AGO2: variants seen among roughly 807,000 people sequenced by gnomAD.
AGO2 encodes argonaute RISC catalytic component 2.
A neutral mutation model predicts 102.3 loss-of-function variants in AGO2; 5 were observed. The observed-to-expected ratio is 0.05, with a 90% CI of 0.03 to 0.10. AGO2 has a LOEUF of 0.10. Ranked by LOEUF, AGO2 falls within the 10% of genes least tolerant of loss-of-function variation. The pLI, the probability that AGO2 is intolerant of heterozygous loss-of-function variation, is 1.00. For synonymous variants in AGO2, 449 were observed against 473.1 expected (o/e 0.95, Z 0.66); for missense variants, 541 against 1,183.7 (o/e 0.46, Z 7.97).
rs903584777 is a variant in AGO2, at chr8:140,589,602, G to C, written c.23-4291C>G. Among the ~76,000 whole-genome samples the C allele has an allele frequency of 9.2e-5, 14 of 152,196 alleles. No homozygotes were observed. The highest frequency in any genetic ancestry group is 2.4e-4 in the African/African-American group (10 of 41,448). Reference sequence around the variant, plus strand: ...GCCATGCTTCCCGATGGTCCTCCTAGAACTCTGCATTCATTACACTGGGCA... The same window carrying C: ...GCCATGCTTCCCGATGGTCCTCCTACAACTCTGCATTCATTACACTGGGCA... On this transcript the variant is annotated intron_variant, in intron 1 of 18. Transcript: ENST00000220592. This position sits in a 1 kb window ranked among gnomAD's most constrained non-coding sequence, Gnocchi z 4.2.
intron 10 of AGO2, among the ~76,000 whole-genome samples, chr8:140,553,397 GT>G: frequency 7.7e-6 from 1 of 129,768 alleles, no homozygotes; most frequent in Non-Finnish European, 1.5e-5. Flanking sequence ...CAAGTTACAA[GT>G]TTTTTGTTTT....
chr8:140,632,136 A>G (rs4961225), intron 1 of AGO2, among the ~76,000 whole-genome samples: 95,467 of 152,192 alleles, frequency 0.63, 31,292 homozygotes, highest in Admixed American at 0.75. Context: ...TGACATGGAA[A>G]CTAGAAGTTA....
intron 13 of AGO2, among the ~76,000 whole-genome samples, chr8:140,545,367 A>G (rs1003959345): frequency 2.6e-5 from 4 of 151,914 alleles, no homozygotes; most frequent in African/African-American, 9.7e-5. Flanking sequence ...TGCAGGACAC[A>G]CTTCCCTTGG....
chr8:140,532,331 C>T lies in AGO2; in HGVS notation c.2471+85G>A. ...GCCGGCTCCAGCCGCTGGGGCCCTG[C>T]CCCTTCCCCTTCCAGAAAAGCAGCT... On this transcript the variant is annotated intron_variant, in intron 18 of 18. Transcript: ENST00000220592. The T allele has an allele frequency of 4.7e-6, 7 of 1,499,852 alleles. No homozygotes were observed. In the South Asian group the frequency reaches 7.2e-5, roughly 16 times the overall value. 92.9% of individuals were successfully genotyped at this position (1,499,852 alleles called of 1,614,324 possible).
chr8:140,556,064 C>T, intron 9 of AGO2, 46 bp from the exon 10 acceptor site: 1 of 1,612,040 alleles, frequency 6.2e-7, no homozygotes, highest in Admixed American at 1.7e-5. Context: ...TGGAGGCCTC[C>T]CATCTCTCTA....
At position 140,526,302 on chromosome 8, in the gene AGO2, A is replaced by C. The variant is rs1167283180; in HGVS notation, c.*5742T>G. ...AGGAAAGTGAAAAGCCAGGCAGGAC[A>C]CAGGCTGTTTCAAGATTTTGCCACA... On this transcript the variant is annotated 3_prime_UTR_variant, in exon 19 of 19. Coordinates refer to ENST00000220592, the MANE Select transcript of AGO2 (RefSeq NM_012154.5). This position sits in a 1 kb window ranked among gnomAD's most constrained non-coding sequence, Gnocchi z 5.2. 1 of 152,238 alleles carries C rather than the reference A, an allele frequency of 6.6e-6. No individual in the cohort carries two copies. Among genetic ancestry groups the C allele is most frequent in the Non-Finnish European group, 1.5e-5 (1 of 68,038 alleles). The allele number at this position is 152,238 out of a possible 1,614,324, so 9.4% of individuals were successfully genotyped here.
Position 140,527,273 on chromosome 8 carries a change from C to T in AGO2, c.*4771G>A, listed in dbSNP as rs1202841681. The T allele has an allele frequency of 6.6e-6, 1 of 152,134 alleles. No homozygotes were observed. The highest frequency in any genetic ancestry group is 1.5e-5 in the Non-Finnish European group (1 of 68,040). 9.4% of individuals were successfully genotyped at this position (152,134 alleles called of 1,614,324 possible). ...TCATAAATGGTCAACAGACACGAAG[C>T]TAAAGGGCGGAACAGAGTTAAGTCC... is the stretch of plus-strand genomic sequence containing the variant. On this transcript the variant is annotated 3_prime_UTR_variant, in exon 19 of 19. Transcript: ENST00000220592. The surrounding 1 kb of genome is among the most constrained non-coding windows in gnomAD (Gnocchi z 6.0).
intron 1 of AGO2, among the ~76,000 whole-genome samples, chr8:140,632,609 T>C (rs1200204356): frequency 1.3e-5 from 2 of 152,136 alleles, no homozygotes; most frequent in Non-Finnish European, 2.9e-5. Flanking sequence ...GGGCAGGCAA[T>C]CACTAGACAC....
chr8:140,532,242 C>T (rs751773038), intron 18 of AGO2, 90 bp from the exon 19 acceptor site: 18 of 1,437,278 alleles, frequency 1.3e-5, no homozygotes, highest in Admixed American at 8.5e-5. Flanking sequence ...GATGGCATGG[C>T]GGGAACCTGG....
rs1026581027 is a variant in AGO2, at chr8:140,567,238, C to T, written c.337-4604G>A. On this transcript the variant is annotated intron_variant, in intron 3 of 18. Coordinates refer to ENST00000220592, the MANE Select transcript of AGO2 (RefSeq NM_012154.5). This position sits in a 1 kb window ranked among gnomAD's most constrained non-coding sequence, Gnocchi z 5.0. ...GCTCTGTAACTATCTGCCCATCCCACGTCCACAGTGGCTGGCTGGTGCTCG... is the reference window on the plus strand; with the variant it reads ...GCTCTGTAACTATCTGCCCATCCCATGTCCACAGTGGCTGGCTGGTGCTCG... Among the ~76,000 whole-genome samples, 3 of 152,272 alleles carry T rather than the reference C, an allele frequency of 2.0e-5. No individual in the cohort carries two copies. The highest frequency in any genetic ancestry group is 2.1e-4 in the South Asian group (1 of 4,836).
At chr8:140,609,382 C>T (rs1247304390) in intron 1 of AGO2, among the ~76,000 whole-genome samples, 1 of 152,252 alleles carries the variant, frequency 6.6e-6, no homozygotes, top group African/African-American at 2.4e-5. Flanking sequence ...GGCTCCAGCC[C>T]ACGCTTGGGG....
Position 140,525,584 on chromosome 8 carries a change from G to A in AGO2, c.*6460C>T, listed in dbSNP as rs915002945. ...AAGCATCGAAACCCCAAACAGCAGAGTGTTAAAGGCAATTGCTTCCAGGTA... is the reference window on the plus strand; with the variant it reads ...AAGCATCGAAACCCCAAACAGCAGAATGTTAAAGGCAATTGCTTCCAGGTA... On this transcript the variant is annotated 3_prime_UTR_variant, in exon 19 of 19. Coordinates refer to ENST00000220592, the MANE Select transcript of AGO2 (RefSeq NM_012154.5). 5 of 152,270 alleles carry A rather than the reference G, an allele frequency of 3.3e-5. No individual in the cohort carries two copies. Among genetic ancestry groups the A allele is most frequent in the African/African-American group, 4.8e-5 (2 of 41,460 alleles). 9.4% of individuals were successfully genotyped at this position (152,270 alleles called of 1,614,324 possible).
chr8:140,579,063 G>A (rs1212385188), intron 2 of AGO2, among the ~76,000 whole-genome samples: 7 of 151,970 alleles, frequency 4.6e-5, no homozygotes, highest in East Asian at 1.9e-4. Context: ...TCTCTACAAC[G>A]TATTTAAAAA....
At chr8:140,536,606 T>C (rs1564072583) in intron 16 of AGO2, among the ~76,000 whole-genome samples, 1 of 152,254 alleles carries the variant, frequency 6.6e-6, no homozygotes, top group Non-Finnish European at 1.5e-5. Flanking sequence ...ATTACAGGCA[T>C]GAGCCAGCGC....
At chr8:140,603,092 A>G (rs537171789) in intron 1 of AGO2, among the ~76,000 whole-genome samples, 1 of 152,226 alleles carries the variant, frequency 6.6e-6, no homozygotes, top group Non-Finnish European at 1.5e-5. Flanking sequence ...GCTGGCCCCA[A>G]CTTCAGAGAC....
At chr8:140,546,893 C>A (rs1348004726) in intron 13 of AGO2, among the ~76,000 whole-genome samples, 1 of 152,180 alleles carries the variant, frequency 6.6e-6, no homozygotes. Flanking sequence ...GGATGCTCAG[C>A]CAGTCAGGAG....
chr8:140,527,038 C>G lies in AGO2; in HGVS notation c.*5006G>C, dbSNP rs748119847. 1 of 152,094 alleles carries G rather than the reference C, an allele frequency of 6.6e-6. No homozygotes were observed. Among genetic ancestry groups the G allele is most frequent in the Non-Finnish European group, 1.5e-5 (1 of 68,050 alleles). The allele number at this position is 152,094 out of a possible 1,614,324, so 9.4% of individuals were successfully genotyped here. A position where few individuals can be genotyped will look rare whatever the true frequency, so the allele number is the denominator to read the frequency against. On this transcript the variant is annotated 3_prime_UTR_variant, in exon 19 of 19. Coordinates refer to ENST00000220592, the MANE Select transcript of AGO2 (RefSeq NM_012154.5). This position sits in a 1 kb window ranked among gnomAD's most constrained non-coding sequence, Gnocchi z 6.0. ...AGCAGGCGGAGCAGATGCCTCCCGT[C>G]TGGACTGTCCCAGGCTGGGTGGAAC...
intron 4 of AGO2, among the ~76,000 whole-genome samples, chr8:140,561,817 T>G (rs11775973): frequency 0.33 from 50,032 of 152,134 alleles, 8,369 homozygotes; most frequent in East Asian, 0.37. Flanking sequence ...GAGATGAAAC[T>G]TGAAAACTCA....
At chr8:140,598,008 C>T (rs918345511) in intron 1 of AGO2, among the ~76,000 whole-genome samples, 2 of 152,218 alleles carry the variant, frequency 1.3e-5, no homozygotes, top group African/African-American at 2.4e-5. Flanking sequence ...GGCTGTAGGG[C>T]GCACAGCTCT....
Sources: allele counts gnomAD v4.1 joint callset (sites outside exome capture counted in the v4.1 genomes callset), GRCh38; gene constraint gnomAD v4.1.1; non-coding constraint Gnocchi (gnomAD v3.1); transcripts MANE v1.5; gene names NCBI Gene and HGNC (gene_info 2026-07-23, HGNC 2026-07-21).